The following MATN2 variants were observed in gnomAD, a reference collection of about 807,000 sequenced individuals.
MATN2 encodes matrilin-2.
In MATN2, 69 loss-of-function variants were observed where a neutral mutation model predicts 103.2. The ratio of observed to expected loss-of-function variants is 0.67; its 90% confidence interval spans 0.55 to 0.82. The LOEUF is 0.82. Ranked by LOEUF, MATN2 falls within the 40% of genes least tolerant of loss-of-function variation. MATN2 has a pLI of 0.00. For missense variants in MATN2, 1,023 were observed against 1,211.5 expected, an observed-to-expected ratio of 0.84 and a Z score of 2.31; for synonymous variants, 429 against 450.2, an observed-to-expected ratio of 0.95 and a Z score of 0.60.
intron 2 of MATN2, among the ~76,000 whole-genome samples, chr8:97,928,151 C>G (rs1387975067): frequency 6.6e-6 from 1 of 151,754 alleles, no homozygotes; most frequent in African/African-American, 2.4e-5. Context: ...CCATCATCTA[C>G]TGCCCCAACC....
At chr8:97,940,065 A>G (rs1373142236) in intron 3 of MATN2, among the ~76,000 whole-genome samples, 2 of 152,188 alleles carry the variant, frequency 1.3e-5, no homozygotes, top group Non-Finnish European at 2.9e-5. Flanking sequence ...ACACTCTACC[A>G]TCTCCATTAA....
chr8:97,915,045 G>C (rs965633065), intron 2 of MATN2, among the ~76,000 whole-genome samples: 3 of 151,974 alleles, frequency 2.0e-5, no homozygotes, highest in African/African-American at 7.2e-5. Context: ...AAAGTGCAGT[G>C]GTGTAATCAT....
chr8:98,023,268 T>C (rs552490041), intron 13 of MATN2, among the ~76,000 whole-genome samples: 1 of 150,128 alleles, frequency 6.7e-6, no homozygotes, highest in Non-Finnish European at 1.5e-5. Context: ...AAAAAACAAA[T>C]AAACAAACAA....
At chr8:97,974,811 G>A (rs1811778978) in intron 5 of MATN2, among the ~76,000 whole-genome samples, 1 of 152,188 alleles carries the variant, frequency 6.6e-6, no homozygotes, top group Non-Finnish European at 1.5e-5. Flanking sequence ...TACAGGTTTG[G>A]AAACAAAAGC....
At chr8:97,891,071 T>C (rs1381102167) in intron 2 of MATN2, among the ~76,000 whole-genome samples, 2 of 152,192 alleles carry the variant, frequency 1.3e-5, no homozygotes, top group Non-Finnish European at 2.9e-5. Flanking sequence ...TTCATTTATC[T>C]GGAATTTCTA....
chr8:98,033,724 T>A (rs890244219), intron 18 of MATN2, 65 bp downstream of exon 18: 2 of 1,054,616 alleles, frequency 1.9e-6, no homozygotes, highest in Admixed American at 2.1e-5. Context: ...CTTCACACAC[T>A]CTATGTAGGT....
chr8:97,993,358 G>A (rs1812461620), intron 6 of MATN2, among the ~76,000 whole-genome samples: 1 of 152,116 alleles, frequency 6.6e-6, no homozygotes, highest in African/African-American at 2.4e-5. Flanking sequence ...CTCCTTTTAA[G>A]ATTCCATCAG....
chr8:97,933,270 C>CG (rs1439865562), intron 3 of MATN2, among the ~76,000 whole-genome samples: 1 of 152,202 alleles, frequency 6.6e-6, no homozygotes, highest in Non-Finnish European at 1.5e-5. Context: ...TCAGCTGGAA[C>CG]ACTTCAATCA....
intron 8 of MATN2, among the ~76,000 whole-genome samples, chr8:98,004,675 G>T (rs1329688761): frequency 6.6e-6 from 1 of 152,242 alleles, no homozygotes; most frequent in Non-Finnish European, 1.5e-5. Context: ...ACTGGGACAA[G>T]AGGCCGGAGG....
At chr8:98,030,668 T>TG in intron 15 of MATN2, 54 bp downstream of exon 15, 1 of 1,552,520 alleles carries the variant, frequency 6.4e-7, no homozygotes, top group Non-Finnish European at 8.7e-7. Flanking sequence ...GAACTCCTTT[T>TG]TTTTTGTTTT....
rs148323735 is a variant in MATN2 at position 98,017,868 on chromosome 8, A to G, written c.1697-126A>G. 6,487 of 1,026,198 alleles carry G rather than the reference A, an allele frequency of 6.3e-3. 32 individuals carry two copies. Among genetic ancestry groups the G allele is most frequent in the Middle Eastern group, 0.012 (52 of 4,326 alleles). 63.6% of individuals were successfully genotyped at this position (1,026,198 alleles called of 1,614,324 possible). On this transcript the variant is annotated intron_variant, in intron 11 of 18. Coordinates refer to ENST00000254898, the MANE Select transcript of MATN2 (RefSeq NM_002380.5). ...GTTCTCAATTGTAACTTCCTGCCCC[A>G]TGGACCACTGAGCTCAGGTGGCAGA... is the stretch of plus-strand genomic sequence containing the variant.
intron 2 of MATN2, among the ~76,000 whole-genome samples, chr8:97,889,041 A>G (rs1818537002): frequency 6.6e-6 from 1 of 152,212 alleles, no homozygotes; most frequent in South Asian, 2.1e-4. Context: ...TAATATACAT[A>G]CATTCTAGGT....
chr8:97,950,861 G>A (rs1056915304), intron 4 of MATN2: 1 of 152,342 alleles, frequency 6.6e-6, no homozygotes, highest in Non-Finnish European at 1.5e-5. Flanking sequence ...GATGCAGCTG[G>A]AGATGGAGAA....
At chr8:97,945,141 T>C (rs1326258405) in intron 4 of MATN2, among the ~76,000 whole-genome samples, 1 of 152,130 alleles carries the variant, frequency 6.6e-6, no homozygotes, top group Non-Finnish European at 1.5e-5. Flanking sequence ...ACCAGGGTAA[T>C]TGCAACCAAA....
chr8:97,993,539 A>G (rs1265644753), intron 6 of MATN2, among the ~76,000 whole-genome samples: 1 of 152,338 alleles, frequency 6.6e-6, no homozygotes, highest in Middle Eastern at 3.4e-3. Context: ...CACAAGTAAA[A>G]TTTCATTATG....
At position 97,931,620 on chromosome 8, in the gene MATN2, T is replaced by C; in HGVS notation, c.712+98T>C. On this transcript the variant is annotated intron_variant, in intron 3 of 18. Coordinates refer to ENST00000254898, the MANE Select transcript of MATN2 (RefSeq NM_002380.5). The surrounding 1 kb of genome is among the most constrained non-coding windows in gnomAD (Gnocchi z 4.1). The stretch of plus-strand genomic sequence containing the variant: ...CTGTGTTACTATGTCCCAGGTACTG[T>C]GCTGGCAATAGGTTTTCAACAAAGG... The C allele has an allele frequency of 8.3e-7, 1 of 1,209,082 alleles. No homozygotes were observed. Among genetic ancestry groups the C allele is most frequent in the East Asian group, 2.4e-5 (1 of 41,004 alleles). The allele number at this position is 1,209,082 out of a possible 1,614,324, so 74.9% of individuals were successfully genotyped here.
rs1373242383 is a variant in MATN2, at chr8:98,007,885, C to G, written c.1573+284C>G. 6.6e-6 allele frequency among the ~76,000 whole-genome samples: 1 copy of G among 152,178 alleles called. No individual in the cohort carries two copies. The highest frequency in any genetic ancestry group is 2.4e-5 in the African/African-American group (1 of 41,442). On this transcript the variant is annotated intron_variant, in intron 10 of 18. Transcript: ENST00000254898. The surrounding 1 kb of genome is among the most constrained non-coding windows in gnomAD (Gnocchi z 4.2). The stretch of plus-strand genomic sequence containing the variant: ...TTGTCCTCAGCTCTCTCTGCTCTAC[C>G]CCCAGCCAGCTAGTATGGCACATGA...
At chr8:98,034,873 C>T (rs1449495255) in intron 18 of MATN2, among the ~76,000 whole-genome samples, 2 of 146,940 alleles carry the variant, frequency 1.4e-5, no homozygotes, top group Non-Finnish European at 3.0e-5. Context: ...TGTGCTATGG[C>T]AAACTAATTT....
intron 5 of MATN2, among the ~76,000 whole-genome samples, chr8:97,969,070 G>A (rs150104333): frequency 6.6e-6 from 1 of 152,360 alleles, no homozygotes; most frequent in Non-Finnish European, 1.5e-5. Flanking sequence ...AAGCCAAAGG[G>A]GGAGCAAGTA....
Sources: gnomAD v4.1 joint callset for allele counts (sites outside exome capture counted in the v4.1 genomes callset) on GRCh38, gnomAD v4.1.1 for gene constraint, Gnocchi (gnomAD v3.1) non-coding constraint, MANE v1.5 for transcripts, NCBI Gene and HGNC (gene_info 2026-07-23, HGNC 2026-07-21) for gene names.